Variants in AGBL3 observed in about 807,000 individuals in gnomAD.
The protein encoded by AGBL3 is AGBL carboxypeptidase 3.
Under a neutral mutation model 94.5 loss-of-function variants are expected in AGBL3, and 68 were observed. The observed-to-expected ratio is 0.72, with a 90% CI of 0.59 to 0.88. The LOEUF is 0.88. AGBL3 is among the 40% of genes least tolerant of loss of function. The probability of loss-of-function intolerance (pLI) is 0.00; values close to 1 mark genes in which losing one functional copy is unlikely to be tolerated. For missense variants in AGBL3, 934 were observed against 1,103.8 expected (o/e 0.85, Z 2.18); for synonymous variants, 354 against 370.7 (o/e 0.95, Z 0.52).
chr7:135,097,039 C>T (rs2116982394), intron 15 of AGBL3, among the ~76,000 whole-genome samples: 1 of 152,292 alleles, frequency 6.6e-6, no homozygotes. Flanking sequence ...GATACCAATG[C>T]TCAGTTGAAC....
intron 16 of AGBL3, 54 bp from the exon 17 acceptor site, chr7:135,134,787 C>T: frequency 6.8e-7 from 1 of 1,465,892 alleles, no homozygotes. Context: ...ATACCTAGGA[C>T]TACAAAGTAG....
chr7:135,010,022 CTT>C (rs34139471), intron 4 of AGBL3: 10,044 of 382,346 alleles, frequency 0.026, no homozygotes, highest in East Asian at 0.056. Flanking sequence ...GAGGATGACA[CTT>C]TTTTTTTTTT....
chr7:134,993,352 C>T, intron 3 of AGBL3, 141 bp from the exon 4 acceptor site: 1 of 649,386 alleles, frequency 1.5e-6, no homozygotes. Flanking sequence ...CTTTTATAAA[C>T]AGTGCCATGA....
chr7:135,095,663 G>GT (rs1822559315), intron 15 of AGBL3, among the ~76,000 whole-genome samples: 1 of 152,164 alleles, frequency 6.6e-6, no homozygotes, highest in Non-Finnish European at 1.5e-5. Context: ...AAGCAACACT[G>GT]TTTTTTGTGC....
intron 11 of AGBL3, among the ~76,000 whole-genome samples, chr7:135,057,545 A>C (rs1388561446): frequency 6.6e-6 from 1 of 152,310 alleles, no homozygotes; most frequent in Non-Finnish European, 1.5e-5. Context: ...ACTAAATGCC[A>C]GTGAGGATGA....
chr7:135,062,449 G>A (rs977377184), intron 12 of AGBL3, among the ~76,000 whole-genome samples: 1 of 152,040 alleles, frequency 6.6e-6, no homozygotes, highest in Non-Finnish European at 1.5e-5. Context: ...TGATCTTAGA[G>A]GAAAAGCTTT....
chr7:135,001,366 A>G (rs1811691146), intron 4 of AGBL3, among the ~76,000 whole-genome samples: 2 of 152,190 alleles, frequency 1.3e-5, no homozygotes, highest in African/African-American at 2.4e-5. Context: ...TCCCCAAACA[A>G]GGATCAGACT....
chr7:135,077,776 T>C (rs1820590210), intron 13 of AGBL3, among the ~76,000 whole-genome samples: 1 of 152,140 alleles, frequency 6.6e-6, no homozygotes, highest in South Asian at 2.1e-4. Context: ...AACTCGGCCA[T>C]TTTGTTTCTT....
At chr7:135,073,556 A>G (rs1820167671) in intron 12 of AGBL3, among the ~76,000 whole-genome samples, 1 of 152,036 alleles carries the variant, frequency 6.6e-6, no homozygotes. Context: ...CCGCAGACAA[A>G]ACCCCTCAGA....
chr7:135,017,137 T>C lies in AGBL3; in HGVS notation c.396T>C (p.Thr132=). ...EPLYPDSKEA[T]VVYLAEDAYK... ...TTTATCCAGACTCCAAGGAAGCTAC[T>C]GTGGTTTATCTAGCTGAAGATGGTG... The change falls in exon 5 of 17, where the codon ACT becomes ACC. Residue 132 remains threonine, a synonymous_variant. Transcript: ENST00000436302. 1.3e-6 allele frequency: 2 copies of C among 1,548,388 alleles called. No individual in the cohort carries two copies. Among genetic ancestry groups the C allele is most frequent in the Non-Finnish European group, 1.7e-6 (2 of 1,143,542 alleles).
chr7:135,058,772 C>T (rs1009167184), intron 11 of AGBL3, among the ~76,000 whole-genome samples: 39 of 151,972 alleles, frequency 2.6e-4, no homozygotes, highest in Non-Finnish European at 5.3e-4. Flanking sequence ...TTTTTCCCCC[C>T]CAAGACAGAG....
At chr7:135,005,026 G>A (rs550298902) in intron 4 of AGBL3, among the ~76,000 whole-genome samples, 45 of 151,434 alleles carry the variant, frequency 3.0e-4, no homozygotes, top group African/African-American at 8.7e-4. Flanking sequence ...TGAAAGGATC[G>A]TACAGGAACC....
At chr7:135,040,936 G>A (rs745840373) in intron 8 of AGBL3, among the ~76,000 whole-genome samples, 2 of 150,850 alleles carry the variant, frequency 1.3e-5, no homozygotes, top group East Asian at 1.9e-4. Flanking sequence ...AAGCAAGGTC[G>A]TAGGATACAA....
chr7:135,086,598 G>T (rs989569893), intron 15 of AGBL3, among the ~76,000 whole-genome samples: 2 of 151,966 alleles, frequency 1.3e-5, no homozygotes, highest in Non-Finnish European at 2.9e-5. Flanking sequence ...CCTCCATCCT[G>T]TTGATGTGAT....
chr7:135,034,597 A>G lies in AGBL3; in HGVS notation c.1006A>G (p.Met336Val). Reference sequence around the variant, plus strand: ...TTTGTGCCACACGCTTGCTAGGAACATGGTGTATATTTTAACAATCACTAC... The same window carrying G: ...TTTGTGCCACACGCTTGCTAGGAACGTGGTGTATATTTTAACAATCACTAC... ...RVLCHTLARN[M>V]VYILTITTPL... Residue 336 changes from methionine (M) to valine (V), a missense_variant, in exon 7 of 17, where the codon ATG (methionine) becomes GTG (valine). Transcript: ENST00000436302. 3.2e-6 allele frequency: 5 copies of G among 1,551,780 alleles called. No individual in the cohort carries two copies. Among genetic ancestry groups the G allele is most frequent in the Non-Finnish European group, 4.4e-6 (5 of 1,146,990 alleles).
At chr7:135,021,916 C>T (rs1182550679) in intron 5 of AGBL3, among the ~76,000 whole-genome samples, 6 of 152,022 alleles carry the variant, frequency 3.9e-5, no homozygotes, top group African/African-American at 9.7e-5. Context: ...AAACATGTGG[C>T]GTTTGGTTTT....
chr7:135,078,746 T>A (rs1229615920), intron 13 of AGBL3, among the ~76,000 whole-genome samples: 1 of 152,220 alleles, frequency 6.6e-6, no homozygotes, highest in African/African-American at 2.4e-5. Context: ...TCAAATGCTT[T>A]GAGAAAGTTG....
intron 14 of AGBL3, among the ~76,000 whole-genome samples, chr7:135,080,494 G>C (rs1280896930): frequency 6.6e-6 from 1 of 152,214 alleles, no homozygotes; most frequent in Non-Finnish European, 1.5e-5. Context: ...CCAGGGAGCA[G>C]AGAGAAAGGA....
At chr7:135,090,265 C>T (rs1218819584) in intron 15 of AGBL3, among the ~76,000 whole-genome samples, 1 of 152,136 alleles carries the variant, frequency 6.6e-6, no homozygotes, top group Non-Finnish European at 1.5e-5. Context: ...TGGTGAACTA[C>T]AGCTGTCATC....
Sources: gnomAD v4.1 joint callset for allele counts (sites outside exome capture counted in the v4.1 genomes callset) on GRCh38, gnomAD v4.1.1 for gene constraint, MANE v1.5 for transcripts, NCBI Gene and HGNC (gene_info 2026-07-23, HGNC 2026-07-21) for gene names.